The following MASP1 variants were observed in gnomAD, a reference collection of about 807,000 sequenced individuals.
The protein encoded by MASP1 is MBL associated serine protease 1.
MASP1 carries 59 observed loss-of-function variants against 77.1 expected under a neutral mutation model. The ratio of observed to expected loss-of-function variants is 0.77; its 90% CI spans 0.62 to 0.95. MASP1 has a LOEUF of 0.95. MASP1 is among the 40% of genes least tolerant of loss of function. The pLI is 0.00. For missense variants in MASP1, 885 were observed against 912.9 expected (o/e 0.97, Z 0.39); for synonymous variants, 362 against 354.5 (o/e 1.02, Z -0.24).
intron 8 of MASP1, chr3:187,246,229 T>C (rs1391631317): frequency 1.1e-5 from 3 of 274,940 alleles, no homozygotes; most frequent in South Asian, 2.7e-4. Context: ...TCTTCACTCA[T>C]GTTTCTTTGA....
chr3:187,259,332 C>T (rs1415652932), intron 4 of MASP1, among the ~76,000 whole-genome samples: 1 of 152,146 alleles, frequency 6.6e-6, no homozygotes, highest in Non-Finnish European at 1.5e-5. Flanking sequence ...GAGTTCCTGA[C>T]TGTTTTCATT....
chr3:187,225,712 C>T (rs1017647163), intron 12 of MASP1, among the ~76,000 whole-genome samples: 6 of 152,182 alleles, frequency 3.9e-5, no homozygotes, highest in African/African-American at 1.2e-4. Flanking sequence ...TGTCTTTCTT[C>T]AGGAACTGAT....
chr3:187,246,853 C>T (rs1401912631), intron 8 of MASP1: 1 of 1,012,672 alleles, frequency 9.9e-7, no homozygotes, highest in Non-Finnish European at 1.2e-6. Context: ...TTATTATTTG[C>T]TTTACCTACT....
intron 3 of MASP1, 119 bp from the exon 4 acceptor site, chr3:187,260,991 A>T: frequency 8.6e-7 from 1 of 1,164,994 alleles, no homozygotes; most frequent in Non-Finnish European, 1.3e-6. Flanking sequence ...GCGTTCTCTC[A>T]TTTAATCCTC....
chr3:187,224,178 T>C (rs1199027445), intron 13 of MASP1, among the ~76,000 whole-genome samples: 1 of 152,196 alleles, frequency 6.6e-6, no homozygotes, highest in African/African-American at 2.4e-5. Flanking sequence ...ATGGGTCACC[T>C]ATGTTTAAGT....
At chr3:187,231,214 G>T (rs1712745049), downstream of MASP1, among the ~76,000 whole-genome samples, 1 of 152,130 alleles carries the variant, frequency 6.6e-6, no homozygotes, top group Admixed American at 6.5e-5. Flanking sequence ...TTTCACTCTG[G>T]ATCTCTTAAC....
At chr3:187,246,545 A>T (rs1714096251) in intron 8 of MASP1, 6 of 985,516 alleles carry the variant, frequency 6.1e-6, no homozygotes, top group Non-Finnish European at 7.2e-6. Context: ...ATTCTCTGAC[A>T]TGTGTGTCCA....
At chr3:187,271,798 A>G (rs1349010679) in intron 2 of MASP1, among the ~76,000 whole-genome samples, 1 of 152,196 alleles carries the variant, frequency 6.6e-6, no homozygotes, top group East Asian at 1.9e-4. Context: ...CTGGAAGTGC[A>G]GGGTCATTCA....
intron 15 of MASP1, chr3:187,220,297 C>T (rs752977231): frequency 1.3e-6 from 2 of 1,592,948 alleles, no homozygotes; most frequent in Non-Finnish European, 8.6e-7. Flanking sequence ...AGATAAAATG[C>T]CCCTTCCCAG....
intron 2 of MASP1, among the ~76,000 whole-genome samples, chr3:187,264,557 G>A (rs1444873476): frequency 6.6e-6 from 1 of 152,076 alleles, no homozygotes; most frequent in Non-Finnish European, 1.5e-5. Flanking sequence ...CAGGGACATT[G>A]TTATGAATGT....
intron 1 of MASP1, among the ~76,000 whole-genome samples, chr3:187,287,025 C>T (rs1192925190): frequency 6.6e-6 from 1 of 152,214 alleles, no homozygotes; most frequent in Non-Finnish European, 1.5e-5. Context: ...CTCTCCTCCT[C>T]TCCAGTTAAT....
chr3:187,239,143 G>A (rs1200768402), intron 10 of MASP1, among the ~76,000 whole-genome samples: 5 of 147,652 alleles, frequency 3.4e-5, no homozygotes, highest in African/African-American at 1.3e-4. Flanking sequence ...GGGAGTTCGA[G>A]ACCAGCCTGA....
At chr3:187,274,942 C>T (rs1023037820) in intron 2 of MASP1, among the ~76,000 whole-genome samples, 13 of 122,806 alleles carry the variant, frequency 1.1e-4, no homozygotes, top group African/African-American at 2.8e-4. Flanking sequence ...CAGTGCCCAC[C>T]GTCTCAGAGG....
downstream of MASP1, among the ~76,000 whole-genome samples, chr3:187,230,845 T>G (rs1206684702): frequency 6.6e-6 from 1 of 152,230 alleles, no homozygotes; most frequent in East Asian, 1.9e-4. Flanking sequence ...TGACTCCCAA[T>G]TCTGGGCTTT....
In MASP1 at chr3:187,244,063, A is replaced by G. The variant is rs934075739; in HGVS notation, c.1091-442T>C. The G allele has an allele frequency of 5.1e-5, 11 of 216,978 alleles. No homozygotes were observed. In the East Asian group the frequency reaches 1.1e-3, roughly 22 times the overall value. The allele number at this position is 216,978 out of a possible 1,614,324, so 13.4% of individuals were successfully genotyped here. On this transcript the variant is annotated intron_variant, in intron 8 of 10. Transcript: ENST00000296280. Reference sequence around the variant, plus strand: ...ATAATCTTTTGTTCTTCTAGTCCCAATCCTAGGCTGAGTAACAGCAGCTAA... The same window carrying G: ...ATAATCTTTTGTTCTTCTAGTCCCAGTCCTAGGCTGAGTAACAGCAGCTAA...
rs762958565 is a variant in MASP1, at chr3:187,256,663, C to T, written c.744+1G>A. ...AGGACAAGTGTTCATTGCAGGCTCACCTTGATGTAGTCATAGGGGCAGGGC... is the reference window on the plus strand; with the variant it reads ...AGGACAAGTGTTCATTGCAGGCTCATCTTGATGTAGTCATAGGGGCAGGGC... On this transcript the variant is annotated splice_donor_variant, in intron 5 of 10. Transcript: ENST00000296280. LOFTEE classifies it high-confidence loss of function. The T allele has an allele frequency of 3.7e-6, 6 of 1,613,874 alleles. No homozygotes were observed. Among genetic ancestry groups the T allele is most frequent in the South Asian group, 2.2e-5 (2 of 91,052 alleles).
intron 2 of MASP1, among the ~76,000 whole-genome samples, chr3:187,274,348 C>A (rs1716778746): frequency 6.6e-6 from 1 of 152,182 alleles, no homozygotes; most frequent in African/African-American, 2.4e-5. Flanking sequence ...TTCAGGGAGA[C>A]AGTTCTGAGT....
exon 14 of MASP1, chr3:187,223,176 C>A: frequency 6.2e-7 from 1 of 1,614,168 alleles, no homozygotes; most frequent in Non-Finnish European, 8.5e-7. Flanking sequence ...CCCCCAGCCG[C>A]TGACGATGAC....
In MASP1 at chr3:187,291,704, C is replaced by T. The variant is rs763033020; in HGVS notation, c.-72G>A. ...CTTGACTTGCCTGTGAGCTCGTGCCCGGTGTGGTGTCCGTGATGCCTTATC... is the reference window on the plus strand; with the variant it reads ...CTTGACTTGCCTGTGAGCTCGTGCCTGGTGTGGTGTCCGTGATGCCTTATC... On this transcript the variant is annotated 5_prime_UTR_variant, in exon 1 of 11. Coordinates refer to ENST00000296280, the MANE Select transcript of MASP1 (RefSeq NM_139125.4). The T allele has an allele frequency of 3.4e-5, 54 of 1,586,512 alleles. No homozygotes were observed. Among genetic ancestry groups the T allele is most frequent in the Non-Finnish European group, 4.2e-5 (49 of 1,155,088 alleles).
Sources: gnomAD v4.1 joint callset for allele counts (sites outside exome capture counted in the v4.1 genomes callset) on GRCh38, gnomAD v4.1.1 for gene constraint, MANE v1.5 for transcripts, NCBI Gene and HGNC (gene_info 2026-07-23, HGNC 2026-07-21) for gene names.